PRDM2: variants seen among roughly 807,000 people sequenced by gnomAD.
PRDM2 encodes PR domain zinc finger protein 2.
A neutral mutation model predicts 130.0 loss-of-function variants in PRDM2; 30 were observed. That is an observed-to-expected ratio of 0.23 (90% CI 0.17 to 0.31). The LOEUF (loss-of-function observed/expected upper bound fraction) is 0.31. Among genes scored for constraint, PRDM2 ranks in the 10% least tolerant of loss-of-function variants. PRDM2 has a pLI of 1.00. For missense variants in PRDM2, 2,011 were observed against 2,108.4 expected (o/e 0.95, Z 0.90); for synonymous variants, 871 against 782.4 (o/e 1.11, Z -1.89).
intron 2 of PRDM2, among the ~76,000 whole-genome samples, chr1:13,724,861 A>G (rs909835763): frequency 6.6e-6 from 1 of 152,178 alleles, no homozygotes; most frequent in Non-Finnish European, 1.5e-5. Context: ...GAGGGGAGAA[A>G]GCTTATAGTT....
intron 1 of PRDM2, among the ~76,000 whole-genome samples, chr1:13,701,408 A>C (rs1348594696): frequency 6.6e-6 from 1 of 152,174 alleles, no homozygotes; most frequent in African/African-American, 2.4e-5. Flanking sequence ...AATGGTACAC[A>C]CTTCGCCTCG....
At chr1:13,757,428 G>A (rs1643983285) in intron 6 of PRDM2, among the ~76,000 whole-genome samples, 1 of 152,196 alleles carries the variant, frequency 6.6e-6, no homozygotes. Flanking sequence ...GCAGTGCAGA[G>A]GATCGAGTTT....
At chr1:13,741,720 T>TTGTGTGTGTGTGTGTGTGTGTGTGTG (rs200384633) in intron 4 of PRDM2, among the ~76,000 whole-genome samples, 3 of 112,596 alleles carry the variant, frequency 2.7e-5, no homozygotes, top group Admixed American at 8.6e-5. Context: ...CTCTTTAAGT[T>TTGTGTGTGTGTGTGTGTGTGTGTGTG]TGTGTGTGTG....
At chr1:13,756,473 C>A (rs776780315) in intron 6 of PRDM2, among the ~76,000 whole-genome samples, 3 of 152,038 alleles carry the variant, frequency 2.0e-5, no homozygotes, top group Non-Finnish European at 2.9e-5. Flanking sequence ...TTATTTTGAC[C>A]ATCCATCTGG....
intron 1 of PRDM2, among the ~76,000 whole-genome samples, chr1:13,700,534 C>T (rs1569631782): frequency 6.6e-6 from 1 of 151,166 alleles, no homozygotes; most frequent in Non-Finnish European, 1.5e-5. Flanking sequence ...CGGGCTCCTC[C>T]TTGTCGGCCG....
At chr1:13,714,976 ATGGG>A (rs1210139389) in intron 1 of PRDM2, among the ~76,000 whole-genome samples, 2 of 152,254 alleles carry the variant, frequency 1.3e-5, no homozygotes, top group African/African-American at 4.8e-5. Context: ...TACATGGAAC[ATGGG>A]TTTTTAAAGG....
rs1197292751 is a variant in PRDM2 at position 13,780,235 on chromosome 1, G to C, written c.2440G>C (p.Ala814Pro). The C allele has an allele frequency of 6.2e-7, 1 of 1,612,214 alleles. No homozygotes were observed. The highest frequency in any genetic ancestry group is 1.7e-5 in the Admixed American group (1 of 59,804). The stretch of plus-strand genomic sequence containing the variant: ...GTCTAAAGAGTGGACAGCTAGTTCT[G>C]CTTTTAGCAGTGTGTGCAACCAGCA... ...KMSKEWTASS[A>P]FSSVCNQQPL... Residue 814 changes from alanine (A) to proline (P), a missense_variant, in exon 8 of 10, where the codon GCT becomes CCT. Around this residue, in one of 5 missense-constraint regions of PRDM2, gnomAD observed 1,288 missense variants for 1,237.7 expected, o/e 1.04. Coordinates refer to ENST00000311066, the MANE Select transcript of PRDM2 (RefSeq NM_001393986.1).
intron 8 of PRDM2, among the ~76,000 whole-genome samples, chr1:13,804,759 A>C (rs1645062203): frequency 1.3e-5 from 2 of 152,194 alleles, no homozygotes. Context: ...TCGGTTTAGT[A>C]TCCCCAGGGG....
At chr1:13,761,752 CAGTT>C (rs1308021996) in intron 6 of PRDM2, among the ~76,000 whole-genome samples, 3 of 151,994 alleles carry the variant, frequency 2.0e-5, no homozygotes, top group East Asian at 1.9e-4. Context: ...CAAGCAGAGA[CAGTT>C]AGGAGCAATA....
chr1:13,791,228 T>G (rs936535888), intron 8 of PRDM2, among the ~76,000 whole-genome samples: 1 of 152,134 alleles, frequency 6.6e-6, no homozygotes, highest in Non-Finnish European at 1.5e-5. Context: ...CATTTGTGGG[T>G]AAGGAAATCT....
chr1:13,758,446 CAAAAAA>C (rs373553025), intron 6 of PRDM2, among the ~76,000 whole-genome samples: 1 of 73,842 alleles, frequency 1.4e-5, no homozygotes, highest in Non-Finnish European at 3.0e-5. Context: ...GACTTTGTCT[CAAAAAA>C]AAAAAAAAAA....
chr1:13,703,584 G>GT (rs1246709233), intron 1 of PRDM2, among the ~76,000 whole-genome samples: 1 of 152,230 alleles, frequency 6.6e-6, no homozygotes, highest in Non-Finnish European at 1.5e-5. Context: ...TTCGGCATCA[G>GT]TTTTGTGGCA....
intron 2 of PRDM2, among the ~76,000 whole-genome samples, chr1:13,726,973 C>T (rs966835449): frequency 6.6e-6 from 1 of 152,146 alleles, no homozygotes; most frequent in African/African-American, 2.4e-5. Flanking sequence ...TGCTTGATGA[C>T]TTCTATTCTG....
intron 6 of PRDM2, among the ~76,000 whole-genome samples, chr1:13,767,795 A>G (rs1421053813): frequency 1.3e-5 from 2 of 152,070 alleles, no homozygotes; most frequent in African/African-American, 4.8e-5. Flanking sequence ...GACAACAGCA[A>G]GATCTTGTCT....
rs1306213215 is a variant in PRDM2, at chr1:13,773,165, C to T, written c.599C>T (p.Ala200Val). Residue 200 changes from alanine to valine, a missense_variant, in exon 7 of 10, where the codon GCA (alanine) becomes GTA (valine). Ala to Val is a moderately conservative substitution (Grantham distance 64, BLOSUM62 0). Transcript: ENST00000311066. ...ACAAGTGAGCCAGATTTCACCTCTG[C>T]AAATATGAGAGATTCTGCAGAAGGT... ...LKTSEPDFTS[A>V]NMRDSAEGPK... 1.3e-6 allele frequency: 2 copies of T among 1,564,346 alleles called. No homozygotes were observed. Among genetic ancestry groups the T allele is most frequent in the Non-Finnish European group, 1.7e-6 (2 of 1,158,854 alleles).
rs202000282 is a variant in PRDM2, at chr1:13,782,902, G to A, written c.5036+71G>A. The A allele has an allele frequency of 1.9e-4, 295 of 1,578,440 alleles. 2 individuals carry two copies. In the East Asian group the frequency reaches 5.0e-3, roughly 27 times the overall value. On this transcript the variant is annotated intron_variant, in intron 8 of 9. Coordinates refer to ENST00000311066, the MANE Select transcript of PRDM2 (RefSeq NM_001393986.1). ...TATCCTTGCCTACGGGTGTTTTTTG[G>A]TTTCTTGTTGCTTTTTTTTTTTTTT...
In PRDM2 at chr1:13,781,011, T is replaced by C. The variant is rs1421829032; in HGVS notation, c.3216T>C (p.Ser1072=). ...TTTCTTCTTCATCTTCCTCCTCTTC[T>C]CCTTCTCCACCTCCTCTCTCCGCAA... ...SSFSSSSSSS[S]PSPPPLSAIS... The change falls in exon 8 of 10, where the codon TCT becomes TCC. Residue 1072 remains serine, a synonymous_variant. Transcript: ENST00000311066. This position sits in a 1 kb window ranked among gnomAD's most constrained non-coding sequence, Gnocchi z 6.1. 2 of 1,603,702 alleles carry C rather than the reference T, an allele frequency of 1.2e-6. No homozygotes were observed. Among genetic ancestry groups the C allele is most frequent in the South Asian group, 1.1e-5 (1 of 90,854 alleles).
intron 6 of PRDM2, among the ~76,000 whole-genome samples, chr1:13,770,919 C>G (rs1644346865): frequency 6.6e-6 from 1 of 152,156 alleles, no homozygotes; most frequent in Non-Finnish European, 1.5e-5. Flanking sequence ...TGTCAGTAGT[C>G]ATTATATTTG....
chr1:13,729,708 T>C (rs1643039560), intron 2 of PRDM2, among the ~76,000 whole-genome samples: 1 of 152,146 alleles, frequency 6.6e-6, no homozygotes, highest in Non-Finnish European at 1.5e-5. Context: ...GGGATATTGT[T>C]GGGACAAAGG....
Sources: gnomAD v4.1 joint callset for allele counts (sites outside exome capture counted in the v4.1 genomes callset) on GRCh38, gnomAD v4.1.1 for gene constraint, gnomAD v4.1.1 regional missense constraint, Gnocchi (gnomAD v3.1) non-coding constraint, MANE v1.5 for transcripts, NCBI Gene and HGNC (gene_info 2026-07-23, HGNC 2026-07-21) for gene names.